FRMD6: variants seen among roughly 807,000 people sequenced by gnomAD.
The protein encoded by FRMD6 is FERM domain containing 6, also known as FERM domain-containing protein 6.
A neutral mutation model predicts 73.2 loss-of-function variants in FRMD6; 37 were observed. The observed-to-expected ratio is 0.51, with a 90% confidence interval of 0.39 to 0.66. FRMD6 has a LOEUF of 0.66. Among genes scored for constraint, FRMD6 ranks in the 30% least tolerant of loss-of-function variants. The pLI is 0.00. For synonymous variants in FRMD6, 273 were observed against 282.2 expected (o/e 0.97, Z 0.33); for missense variants, 714 against 780.5 (o/e 0.91, Z 1.02).
At chr14:51,449,618 T>C in the FRMD6 span, among the ~76,000 whole-genome samples, 1 of 152,048 alleles carries the variant, frequency 6.6e-6, no homozygotes, top group Non-Finnish European at 1.5e-5. Context: ...TCCCAAAGAG[T>C]GTCACCAAAT....
intron 1 of FRMD6, among the ~76,000 whole-genome samples, chr14:51,668,195 TTAATTTA>T (rs1349412592): frequency 6.6e-6 from 1 of 152,202 alleles, no homozygotes; most frequent in Non-Finnish European, 1.5e-5. Context: ...AAATACTCTA[TTAATTTA>T]TAGAACTGGT....
the FRMD6 span, among the ~76,000 whole-genome samples, chr14:51,426,342 C>A: frequency 2.0e-5 from 3 of 152,094 alleles, no homozygotes; most frequent in African/African-American, 7.2e-5. Flanking sequence ...TCTGACTGTG[C>A]CCGCGTCTGT....
intron 1 of FRMD6, among the ~76,000 whole-genome samples, chr14:51,566,126 G>T (rs187386095): frequency 1.7e-4 from 26 of 152,356 alleles, no homozygotes; most frequent in Non-Finnish European, 2.6e-4. Context: ...GATCATGCCA[G>T]TGAACTCTAG....
intron 1 of FRMD6, among the ~76,000 whole-genome samples, chr14:51,550,439 A>G (rs545310770): frequency 6.6e-6 from 1 of 152,290 alleles, no homozygotes; most frequent in East Asian, 1.9e-4. Flanking sequence ...CAAAAATTGT[A>G]TAAATATTGG....
At chr14:51,583,320 T>C (rs946218597) in intron 2 of FRMD6, among the ~76,000 whole-genome samples, 2 of 152,220 alleles carry the variant, frequency 1.3e-5, no homozygotes, top group Non-Finnish European at 2.9e-5. Flanking sequence ...TGTTTGTTTG[T>C]TTGTTTAGGA....
chr14:51,477,001 G>C, the FRMD6 span, among the ~76,000 whole-genome samples: 1 of 152,284 alleles, frequency 6.6e-6, no homozygotes, highest in South Asian at 2.1e-4. Flanking sequence ...CGAGAAGACA[G>C]AAAACACAGA....
At chr14:51,425,183 G>C in the FRMD6 span, among the ~76,000 whole-genome samples, 3 of 152,108 alleles carry the variant, frequency 2.0e-5, no homozygotes, top group Non-Finnish European at 4.4e-5. Context: ...CGGGACTTTG[G>C]CTGGGCTGGA....
chr14:51,444,599 A>T, the FRMD6 span, among the ~76,000 whole-genome samples: 1 of 151,996 alleles, frequency 6.6e-6, no homozygotes, highest in South Asian at 2.1e-4. Context: ...TGGACTTCTG[A>T]CTCATCTCTT....
At chr14:51,677,458 G>A (rs986814948) in intron 1 of FRMD6, among the ~76,000 whole-genome samples, 2 of 152,118 alleles carry the variant, frequency 1.3e-5, no homozygotes, top group African/African-American at 4.8e-5. Flanking sequence ...GAAATTAGAA[G>A]CAGATGCTTC....
intron 5 of FRMD6, among the ~76,000 whole-genome samples, chr14:51,703,602 C>T (rs904991339): frequency 6.6e-6 from 1 of 151,874 alleles, no homozygotes; most frequent in African/African-American, 2.4e-5. Flanking sequence ...ATAGTTAACC[C>T]CCTGGGGCTA....
chr14:51,456,038 C>A, the FRMD6 span, among the ~76,000 whole-genome samples: 9 of 152,166 alleles, frequency 5.9e-5, no homozygotes, highest in Non-Finnish European at 2.9e-5. Context: ...TTCCTTGCAT[C>A]CAGACGCGGA....
At chr14:51,630,620 G>A (rs577882129) in intron 2 of FRMD6, among the ~76,000 whole-genome samples, 6 of 152,022 alleles carry the variant, frequency 3.9e-5, no homozygotes, top group South Asian at 2.1e-4. Flanking sequence ...GGTGGCATGC[G>A]CCTGTAGTCC....
At chr14:51,654,064 A>T (rs767389526) in intron 1 of FRMD6, among the ~76,000 whole-genome samples, 2 of 152,182 alleles carry the variant, frequency 1.3e-5, no homozygotes, top group African/African-American at 2.4e-5. Flanking sequence ...TTTAAGGGGC[A>T]GGAAATCTTT....
chr14:51,698,299 A>G (rs562232035), intron 3 of FRMD6, 67 bp downstream of exon 3: 1 of 1,051,284 alleles, frequency 9.5e-7, no homozygotes, highest in Non-Finnish European at 1.4e-6. Flanking sequence ...TCTTATAGCT[A>G]TAACTTAAAT....
chr14:51,593,761 A>T (rs1387641735), intron 2 of FRMD6, among the ~76,000 whole-genome samples: 1 of 152,136 alleles, frequency 6.6e-6, no homozygotes, highest in Non-Finnish European at 1.5e-5. Context: ...TGGATACCAG[A>T]CTACTTTGAT....
intron 2 of FRMD6, among the ~76,000 whole-genome samples, chr14:51,645,238 AC>A (rs1218643991): frequency 1.3e-5 from 2 of 152,192 alleles, no homozygotes; most frequent in African/African-American, 4.8e-5. Context: ...GAGAGGAGAA[AC>A]AGCGATCTTA....
Position 51,698,146 on chromosome 14 carries a change from A to G in FRMD6, c.104A>G (p.Lys35Arg). Residue 35 changes from lysine (K) to arginine (R), a missense_variant, in exon 3 of 14, where the codon AAG becomes AGG. Lys to Arg is a conservative substitution (Grantham distance 26, BLOSUM62 2). Coordinates refer to ENST00000344768, the MANE Select transcript of FRMD6 (RefSeq NM_001267046.2). ...DESLNIIINV[K>R]ILCHQLLVQV... ...TCGTGCCTTTTTCCCCTACAGGTTAAGATTCTGTGTCACCAGTTGCTGGTC... is the reference window on the plus strand; with the variant it reads ...TCGTGCCTTTTTCCCCTACAGGTTAGGATTCTGTGTCACCAGTTGCTGGTC... 2 of 1,611,474 alleles carry G rather than the reference A, an allele frequency of 1.2e-6. No homozygotes were observed. The highest frequency in any genetic ancestry group is 1.7e-6 in the Non-Finnish European group (2 of 1,178,206).
At position 51,715,783 on chromosome 14, in the gene FRMD6, C is replaced by CA. The variant is rs573752437; in HGVS notation, c.1024+289dup. Among the ~76,000 whole-genome samples the CA allele has an allele frequency of 5.7e-4, 87 of 152,292 alleles. 2 individuals carry two copies. The East Asian group carries it at 0.014, about 24-fold the overall frequency. On this transcript the variant is annotated intron_variant, in intron 10 of 13. Coordinates refer to ENST00000344768, the MANE Select transcript of FRMD6 (RefSeq NM_001267046.2). ...CCCATGCCTGACTTGAAAATACTTG[C>CA]AAAAAGCCACCCATAAAGGCACAGG...
At chr14:51,674,907 A>G (rs1015702273) in intron 1 of FRMD6, among the ~76,000 whole-genome samples, 4 of 152,162 alleles carry the variant, frequency 2.6e-5, no homozygotes, top group African/African-American at 9.7e-5. Context: ...TGTTGACTTC[A>G]CACACCAGAG....
Sources: allele counts gnomAD v4.1 joint callset (sites outside exome capture counted in the v4.1 genomes callset), GRCh38; gene constraint gnomAD v4.1.1; transcripts MANE v1.5; gene names NCBI Gene and HGNC (gene_info 2026-07-23, HGNC 2026-07-21).